The following CEP83 variants were observed in gnomAD, a reference collection of about 807,000 sequenced individuals.
The protein encoded by CEP83 is centrosomal protein of 83 kDa.
In CEP83, 70 loss-of-function variants were observed where a neutral mutation model predicts 101.9. The observed-to-expected ratio is 0.69, with a 90% CI of 0.57 to 0.84. The LOEUF (loss-of-function observed/expected upper bound fraction) is 0.84, where lower values mean the gene tolerates loss of function less well. CEP83 is among the 40% of genes least tolerant of loss of function. CEP83 has a pLI of 0.00. For synonymous variants in CEP83, 264 were observed against 267.9 expected (o/e 0.99, Z 0.14); for missense variants, 715 against 787.2 (o/e 0.91, Z 1.10).
At chr12:94,306,255 A>T (rs1223587327), downstream of CEP83, 1 of 151,994 alleles carries the variant, frequency 6.6e-6, no homozygotes, top group African/African-American at 2.4e-5. Context: ...TTTACATTTT[A>T]TCGAATTGCT....
At chr12:94,301,815 T>C (rs906492369), downstream of CEP83, among the ~76,000 whole-genome samples, 19 of 152,214 alleles carry the variant, frequency 1.2e-4, no homozygotes, top group African/African-American at 4.6e-4. Flanking sequence ...TTTTTACTTT[T>C]GTCTTCCCTA....
chr12:94,337,774 C>G (rs1029825658), intron 11 of CEP83, among the ~76,000 whole-genome samples: 17 of 151,482 alleles, frequency 1.1e-4, no homozygotes, highest in Non-Finnish European at 2.1e-4. Context: ...ATACAGGTGA[C>G]GAAGAGTATA....
intron 8 of CEP83, among the ~76,000 whole-genome samples, chr12:94,370,975 C>A (rs891970057): frequency 6.6e-6 from 1 of 151,842 alleles, no homozygotes; most frequent in Admixed American, 6.6e-5. Flanking sequence ...CAGAGTGAGA[C>A]CTTGTCTCTA....
At chr12:94,423,597 G>A in intron 2 of CEP83, 1 of 1,539,802 alleles carries the variant, frequency 6.5e-7, no homozygotes, top group African/African-American at 1.4e-5. Flanking sequence ...TCCAGGCCCA[G>A]GCCTGTGAAA....
At chr12:94,411,883 A>G (rs2063905795) in intron 3 of CEP83, 36 bp from the exon 4 acceptor site, 2 of 1,549,140 alleles carry the variant, frequency 1.3e-6, no homozygotes, top group Non-Finnish European at 1.8e-6. Context: ...TTTTGAGTAA[A>G]TCCTTTCTTT....
intron 1 of CEP83, among the ~76,000 whole-genome samples, chr12:94,437,377 A>G (rs1283120110): frequency 1.3e-5 from 2 of 152,148 alleles, no homozygotes; most frequent in African/African-American, 2.4e-5. Context: ...AAATACAAGA[A>G]GCTCAAAGAA....
Position 94,412,405 on chromosome 12 carries a change from G to C in CEP83, c.86C>G (p.Ser29Trp). ...GGDSGLTGSQ[S>W]EFQKMLIDER... The stretch of plus-strand genomic sequence containing the variant: ...ATCAATTAACATTTTCTGGAACTCC[G>C]ACTGAGAACCTGTCAATCCACTGTC... The change falls in exon 3 of 17, where the codon TCG becomes TGG. Residue 29 changes from serine to tryptophan, a missense_variant. Coordinates refer to ENST00000397809, the MANE Select transcript of CEP83 (RefSeq NM_016122.3). 6.2e-7 allele frequency: 1 copy of C among 1,612,314 alleles called. No individual in the cohort carries two copies. The highest frequency in any genetic ancestry group is 2.2e-5 in the East Asian group (1 of 44,722).
chr12:94,435,772 T>C (rs2065938204), intron 1 of CEP83, among the ~76,000 whole-genome samples: 1 of 152,224 alleles, frequency 6.6e-6, no homozygotes, highest in Non-Finnish European at 1.5e-5. Flanking sequence ...ACTCCCTGGC[T>C]AATCAGAGGT....
At chr12:94,345,301 T>C (rs1391814410) in intron 11 of CEP83, among the ~76,000 whole-genome samples, 1 of 152,226 alleles carries the variant, frequency 6.6e-6, no homozygotes. Flanking sequence ...TTGGTTTACA[T>C]ATACATATGG....
At chr12:94,300,341 T>C in the CEP83 span, among the ~76,000 whole-genome samples, 2 of 152,098 alleles carry the variant, frequency 1.3e-5, no homozygotes, top group African/African-American at 4.8e-5. Context: ...GCATAAACCA[T>C]GAGACTACCT....
At chr12:94,355,384 T>G (rs1158760614) in intron 11 of CEP83, among the ~76,000 whole-genome samples, 2 of 151,884 alleles carry the variant, frequency 1.3e-5, no homozygotes, top group African/African-American at 2.4e-5. Context: ...TCCTGGCTAC[T>G]CAGGAGGCTG....
intron 1 of CEP83, among the ~76,000 whole-genome samples, chr12:94,446,464 C>T (rs2066810835): frequency 6.6e-6 from 1 of 152,132 alleles, no homozygotes; most frequent in South Asian, 2.1e-4. Flanking sequence ...AATCCCAGCA[C>T]TTTGGGAGGG....
intron 6 of CEP83, among the ~76,000 whole-genome samples, chr12:94,389,891 G>A (rs999345350): frequency 6.6e-6 from 1 of 152,232 alleles, no homozygotes; most frequent in Non-Finnish European, 1.5e-5. Context: ...AGATCGAACT[G>A]CGAGGCGGCA....
chr12:94,299,330 A>G, the CEP83 span, among the ~76,000 whole-genome samples: 1 of 152,174 alleles, frequency 6.6e-6, no homozygotes, highest in Non-Finnish European at 1.5e-5. Flanking sequence ...CAGTAAAGAA[A>G]TGTAGCTCAT....
chr12:94,268,579 G>C, the CEP83 span, among the ~76,000 whole-genome samples: 1 of 123,286 alleles, frequency 8.1e-6, no homozygotes, highest in Non-Finnish European at 1.7e-5. Context: ...AGCTGGAAGA[G>C]AATAAGACCT....
rs558270685 is a variant in CEP83, at chr12:94,327,545, C to T, written c.1707+4155G>A. Among the ~76,000 whole-genome samples the T allele has an allele frequency of 6.6e-5, 10 of 152,260 alleles. No individual in the cohort carries two copies. In the East Asian group the frequency reaches 1.5e-3, roughly 23 times the overall value. On this transcript the variant is annotated intron_variant, in intron 14 of 16. Transcript: ENST00000397809. The stretch of plus-strand genomic sequence containing the variant: ...TATAATATCTTTACTTAAGAGTCTA[C>T]GTCATGTCTACATGGATGCACTGCC...
At chr12:94,372,728 GAA>G (rs1246618362) in intron 8 of CEP83, among the ~76,000 whole-genome samples, 2 of 152,170 alleles carry the variant, frequency 1.3e-5, no homozygotes, top group Admixed American at 1.3e-4. Flanking sequence ...GAAACTGAAA[GAA>G]CACCGAATAG....
At chr12:94,266,213 T>C in the CEP83 span, among the ~76,000 whole-genome samples, 2 of 152,182 alleles carry the variant, frequency 1.3e-5, no homozygotes, top group Non-Finnish European at 2.9e-5. Context: ...TGGAGCGTGT[T>C]ATGGTTATGT....
chr12:94,380,064 G>A (rs1463356822), intron 6 of CEP83, among the ~76,000 whole-genome samples: 7 of 119,376 alleles, frequency 5.9e-5, no homozygotes, highest in South Asian at 2.8e-4. Flanking sequence ...TAAGCTCCCC[G>A]GCCCTGCAAA....
Sources: allele counts gnomAD v4.1 joint callset (sites outside exome capture counted in the v4.1 genomes callset), GRCh38; gene constraint gnomAD v4.1.1; transcripts MANE v1.5; gene names NCBI Gene and HGNC (gene_info 2026-07-23, HGNC 2026-07-21).